YEATS2: variants seen among roughly 807,000 people sequenced by gnomAD.
YEATS2 encodes the protein YEATS domain-containing protein 2.
A neutral mutation model predicts 163.2 loss-of-function variants in YEATS2; 77 were observed. That is an observed-to-expected ratio of 0.47 (90% CI 0.39 to 0.57). The LOEUF is 0.57. YEATS2 is among the 20% of genes least tolerant of loss of function. The probability of loss-of-function intolerance (pLI) is 0.00; values close to 1 mark genes in which losing one functional copy is unlikely to be tolerated. For missense variants in YEATS2, 1,549 were observed against 1,729.8 expected (o/e 0.90, Z 1.85); for synonymous variants, 631 against 645.1 (o/e 0.98, Z 0.33).
chr3:183,802,998 ATAGTC>A (rs1222981256), intron 25 of YEATS2: 1 of 467,316 alleles, frequency 2.1e-6, no homozygotes, highest in East Asian at 3.7e-5. Context: ...ACAGACTTTA[ATAGTC>A]TATGGCAGTG....
intron 5 of YEATS2, among the ~76,000 whole-genome samples, chr3:183,722,463 A>G (rs1577058352): frequency 3.3e-5 from 5 of 151,264 alleles, no homozygotes; most frequent in Admixed American, 3.3e-4. Flanking sequence ...TAATTTTTTT[A>G]TATTTTTAGT....
At position 183,708,160 on chromosome 3, in the gene YEATS2, C is replaced by CTT. The variant is rs35605564; in HGVS notation, c.-19-6965_-19-6964dup. Among the ~76,000 whole-genome samples, 288 of 120,888 alleles carry CTT rather than the reference C, an allele frequency of 2.4e-3. 4 individuals carry two copies. Among genetic ancestry groups the CTT allele is most frequent in the Middle Eastern group, 9.2e-3 (2 of 218 alleles). The allele number at this position is 120,888 out of a possible 152,430, so 79.3% of individuals were successfully genotyped here. A position where few individuals can be genotyped will look rare whatever the true frequency, so the allele number is the denominator to read the frequency against. On this transcript the variant is annotated intron_variant, in intron 1 of 30. Coordinates refer to ENST00000305135, the MANE Select transcript of YEATS2 (RefSeq NM_018023.5). ...CTCCTTTCTCCTCAAGAATTGGCCA[C>CTT]TTTTTTTTTTTTTTTTTTTTGATAC...
Position 183,795,455 on chromosome 3 carries a change from ATTTTTTTTTT to A in YEATS2, c.3098-2449_3098-2440del, listed in dbSNP as rs573338439. 1.0e-3 allele frequency among the ~76,000 whole-genome samples: 80 copies of A among 79,936 alleles called. 1 individual carries two copies. The highest frequency in any genetic ancestry group is 2.8e-3 in the African/African-American group (64 of 23,082). The allele number at this position is 79,936 out of a possible 152,430, so 52.4% of individuals were successfully genotyped here. A position where few individuals can be genotyped will look rare whatever the true frequency, so the allele number is the denominator to read the frequency against. On this transcript the variant is annotated intron_variant, in intron 21 of 30. Coordinates refer to ENST00000305135, the MANE Select transcript of YEATS2 (RefSeq NM_018023.5). Reference sequence around the variant, plus strand: ...AGGGGCATGCCACCACACGGGACTAATTTTTTTTTTTTTTTTTTTTTTTTTTTTAGAGACG... The same window carrying A: ...AGGGGCATGCCACCACACGGGACTAATTTTTTTTTTTTTTTTTTAGAGACG...
intron 24 of YEATS2, 52 bp downstream of exon 24, chr3:183,800,620 C>T: frequency 7.1e-7 from 1 of 1,406,712 alleles, no homozygotes; most frequent in Non-Finnish European, 1.0e-6. Context: ...GTTTGTCACG[C>T]CTGTGACAGC....
chr3:183,780,061 T>C (rs965169329), intron 19 of YEATS2, among the ~76,000 whole-genome samples: 2 of 151,870 alleles, frequency 1.3e-5, no homozygotes, highest in African/African-American at 4.8e-5. Flanking sequence ...AGAGAAAACT[T>C]TAAATTGCTG....
chr3:183,755,387 G>A (rs920137132), intron 11 of YEATS2, among the ~76,000 whole-genome samples: 6 of 152,152 alleles, frequency 3.9e-5, no homozygotes, highest in African/African-American at 9.6e-5. Context: ...AAAGTGCTCC[G>A]GTTACAGGCG....
chr3:183,717,094 T>C (rs1289263899), intron 2 of YEATS2, among the ~76,000 whole-genome samples: 2 of 152,066 alleles, frequency 1.3e-5, no homozygotes, highest in African/African-American at 4.8e-5. Flanking sequence ...GGTTTCACCA[T>C]GTTGTCCAGG....
At chr3:183,702,865 T>A (rs1000128551) in intron 1 of YEATS2, among the ~76,000 whole-genome samples, 6 of 151,608 alleles carry the variant, frequency 4.0e-5, no homozygotes, top group Admixed American at 1.3e-4. Flanking sequence ...AAAAGTTACC[T>A]AAAGTCAGCT....
At chr3:183,751,740 G>T (rs1323108807) in intron 9 of YEATS2, among the ~76,000 whole-genome samples, 1 of 152,170 alleles carries the variant, frequency 6.6e-6, no homozygotes, top group Non-Finnish European at 1.5e-5. Flanking sequence ...ACTTCATTGA[G>T]ACCTGCTGGT....
rs774989436 is a variant in YEATS2 at position 183,709,675 on chromosome 3, AT to A, written c.-19-5449del. ...TAATGAGGCTGTTTTAATGAGATAAATTTTTTTTTTTTTTTTTTTTGAGACA... is the reference window on the plus strand; with the variant it reads ...TAATGAGGCTGTTTTAATGAGATAAATTTTTTTTTTTTTTTTTTTGAGACA... On this transcript the variant is annotated intron_variant, in intron 1 of 30. Coordinates refer to ENST00000305135, the MANE Select transcript of YEATS2 (RefSeq NM_018023.5). 9.6e-3 allele frequency among the ~76,000 whole-genome samples: 1,202 copies of A among 125,148 alleles called. 5 individuals are homozygous for A. Among genetic ancestry groups the A allele is most frequent in the Middle Eastern group, 0.034 (7 of 204 alleles). The allele number at this position is 125,148 out of a possible 152,430, so 82.1% of individuals were successfully genotyped here.
chr3:183,777,165 CCTCGT>C (rs1157973982), intron 18 of YEATS2, among the ~76,000 whole-genome samples: 1 of 152,166 alleles, frequency 6.6e-6, no homozygotes, highest in African/African-American at 2.4e-5. Flanking sequence ...CAGGTTTCCT[CCTCGT>C]CTCCTCTTGT....
At chr3:183,752,399 A>AT in intron 10 of YEATS2, 146 bp downstream of exon 10, 1 of 1,037,880 alleles carries the variant, frequency 9.6e-7, no homozygotes, top group Non-Finnish European at 1.4e-6. Context: ...TGAAAGCCAA[A>AT]TTTCCACTCT....
In YEATS2 at chr3:183,810,364, C is replaced by T. The variant is rs1726676882; in HGVS notation, c.4161-111C>T. 6.2e-6 allele frequency: 6 copies of T among 962,198 alleles called. No homozygotes were observed. In the East Asian group the frequency reaches 1.3e-4, roughly 21 times the overall value. The allele number at this position is 962,198 out of a possible 1,614,324, so 59.6% of individuals were successfully genotyped here. A position where few individuals can be genotyped will look rare whatever the true frequency, so the allele number is the denominator to read the frequency against. On this transcript the variant is annotated intron_variant, in intron 30 of 30. Coordinates refer to ENST00000305135, the MANE Select transcript of YEATS2 (RefSeq NM_018023.5). ...AAGCTATGTCTGTGGCTCAGGAGCC[C>T]TCTCCACGGGGCCTCTGCCTGGGAT...
intron 1 of YEATS2, among the ~76,000 whole-genome samples, chr3:183,714,702 A>G (rs1344920548): frequency 2.6e-5 from 4 of 152,200 alleles, no homozygotes; most frequent in African/African-American, 7.2e-5. Context: ...TATGTTGCTT[A>G]TATTTTCTAA....
Position 183,810,734 on chromosome 3 carries a change from A to G in YEATS2, c.*151A>G. 1.5e-6 allele frequency: 1 copy of G among 649,186 alleles called. No individual in the cohort carries two copies. The highest frequency in any genetic ancestry group is 2.7e-6 in the Non-Finnish European group (1 of 366,984). The allele number at this position is 649,186 out of a possible 1,614,324, so 40.2% of individuals were successfully genotyped here. On this transcript the variant is annotated 3_prime_UTR_variant, in exon 31 of 31. Transcript: ENST00000305135. ...CCGCTGCCTGTTCCCACGTGTCACCAGCACGCTGCACTCCAGATGAAATCC... is the reference window on the plus strand; with the variant it reads ...CCGCTGCCTGTTCCCACGTGTCACCGGCACGCTGCACTCCAGATGAAATCC...
chr3:183,737,672 T>A (rs898863927), intron 8 of YEATS2, among the ~76,000 whole-genome samples: 1 of 152,246 alleles, frequency 6.6e-6, no homozygotes, highest in Non-Finnish European at 1.5e-5. Flanking sequence ...TATACAAGAT[T>A]ATAATGCTTT....
chr3:183,752,105 C>T lies in YEATS2; in HGVS notation c.1002C>T (p.Leu334=), dbSNP rs754888282. 74 of 1,613,980 alleles carry T rather than the reference C, an allele frequency of 4.6e-5. No individual in the cohort carries two copies. In the South Asian group the frequency reaches 6.1e-4, roughly 13 times the overall value. ...ATGTTGAACTCCATCGCCATTCTCT[C>T]GGAGAAGACTGTATCTATCCTCAGT... ...VVDVELHRHS[L]GEDCIYPQSS... is the part of the protein sequence containing the mutation. Residue 334 remains leucine, a synonymous_variant, in exon 10 of 31, where the codon CTC becomes CTT. Coordinates refer to ENST00000305135, the MANE Select transcript of YEATS2 (RefSeq NM_018023.5).
intron 1 of YEATS2, among the ~76,000 whole-genome samples, chr3:183,713,673 C>G (rs1293835371): frequency 6.6e-6 from 1 of 152,244 alleles, no homozygotes; most frequent in Non-Finnish European, 1.5e-5. Flanking sequence ...ATTTCTGAAA[C>G]TGACTCATGA....
chr3:183,746,473 C>T (rs1003536878), intron 8 of YEATS2, among the ~76,000 whole-genome samples: 2 of 152,140 alleles, frequency 1.3e-5, no homozygotes, highest in South Asian at 2.1e-4. Context: ...AAAACCTGTT[C>T]CTGTTACATT....
Sources: gnomAD v4.1 joint callset for allele counts (sites outside exome capture counted in the v4.1 genomes callset) on GRCh38, gnomAD v4.1.1 for gene constraint, MANE v1.5 for transcripts, NCBI Gene and HGNC (gene_info 2026-07-23, HGNC 2026-07-21) for gene names.